The following SYT14 variants were observed in gnomAD, a reference collection of about 807,000 sequenced individuals.
SYT14 encodes the protein synaptotagmin 14, also known as synaptotagmin-14.
In SYT14, 32 loss-of-function variants were observed where a neutral mutation model predicts 74.2. That is an observed-to-expected ratio of 0.43 (90% CI 0.33 to 0.58). The LOEUF (loss-of-function observed/expected upper bound fraction) is 0.58, where lower values mean the gene tolerates loss of function less well. SYT14 is among the 20% of genes least tolerant of loss of function. SYT14 has a pLI of 0.05. For missense variants in SYT14, 791 were observed against 981.8 expected, an observed-to-expected ratio of 0.81 and a Z score of 2.60; for synonymous variants, 298 against 337.7, an observed-to-expected ratio of 0.88 and a Z score of 1.29.
intron 2 of SYT14, among the ~76,000 whole-genome samples, chr1:209,979,538 C>G (rs144674593): frequency 1.3e-5 from 2 of 152,084 alleles, no homozygotes; most frequent in African/African-American, 4.8e-5. Flanking sequence ...CTGCACAGAT[C>G]ATCCCATCAA....
chr1:210,010,122 G>A (rs1269770068), intron 2 of SYT14, among the ~76,000 whole-genome samples: 1 of 152,046 alleles, frequency 6.6e-6, no homozygotes, highest in East Asian at 1.9e-4. Flanking sequence ...CCATATTTCA[G>A]TTTTCTAGTT....
At chr1:210,032,413 C>A (rs1485137750) in intron 5 of SYT14, among the ~76,000 whole-genome samples, 2 of 151,978 alleles carry the variant, frequency 1.3e-5, no homozygotes, top group Non-Finnish European at 2.9e-5. Flanking sequence ...CACCAGGTAT[C>A]TCTTACTCTC....
intron 7 of SYT14, among the ~76,000 whole-genome samples, chr1:210,145,681 C>T (rs2083018017): frequency 6.6e-6 from 1 of 152,038 alleles, no homozygotes; most frequent in South Asian, 2.1e-4. Context: ...CTGCATTTTC[C>T]ACCCCCTCCC....
At chr1:209,953,562 G>A (rs1442800672) in intron 2 of SYT14, among the ~76,000 whole-genome samples, 1 of 152,168 alleles carries the variant, frequency 6.6e-6, no homozygotes, top group Admixed American at 6.5e-5. Context: ...AAGGAAGTTT[G>A]GAGCAGTGTC....
intron 7 of SYT14, among the ~76,000 whole-genome samples, chr1:210,137,958 C>A (rs1473044462): frequency 6.6e-6 from 1 of 152,064 alleles, no homozygotes; most frequent in East Asian, 1.9e-4. Flanking sequence ...GGATTACAGG[C>A]GTGAGCCACT....
At chr1:209,990,015 G>A (rs2079637545) in intron 2 of SYT14, among the ~76,000 whole-genome samples, 1 of 151,960 alleles carries the variant, frequency 6.6e-6, no homozygotes, top group South Asian at 2.1e-4. Flanking sequence ...TATAAAATTA[G>A]CATATAAATC....
intron 6 of SYT14, among the ~76,000 whole-genome samples, chr1:210,099,446 T>C (rs2082021781): frequency 1.3e-5 from 2 of 152,220 alleles, no homozygotes; most frequent in African/African-American, 4.8e-5. Context: ...AGTAAATATT[T>C]GACCGCTAAT....
intron 2 of SYT14, among the ~76,000 whole-genome samples, chr1:209,955,980 G>C (rs2078985445): frequency 6.6e-6 from 1 of 151,968 alleles, no homozygotes; most frequent in Non-Finnish European, 1.5e-5. Flanking sequence ...AATCAATATT[G>C]TTTGCAGTAA....
At chr1:209,975,517 G>A (rs910410445) in intron 2 of SYT14, among the ~76,000 whole-genome samples, 1 of 152,188 alleles carries the variant, frequency 6.6e-6, no homozygotes, top group East Asian at 1.9e-4. Flanking sequence ...TTATTGATTT[G>A]TGTATGTTGA....
chr1:210,001,242 C>T (rs2079894729), intron 2 of SYT14, among the ~76,000 whole-genome samples: 1 of 144,862 alleles, frequency 6.9e-6, no homozygotes, highest in African/African-American at 2.5e-5. Flanking sequence ...CCTTCCAGCT[C>T]AAATTTGCTA....
chr1:209,982,677 T>C (rs12085177), intron 2 of SYT14, among the ~76,000 whole-genome samples: 7,623 of 152,326 alleles, frequency 0.05, 1,033 homozygotes, highest in East Asian at 0.41. Context: ...CATTTTTGTG[T>C]GGATGTAAGT....
intron 5 of SYT14, among the ~76,000 whole-genome samples, chr1:210,080,886 G>A (rs2081603941): frequency 6.6e-6 from 1 of 152,146 alleles, no homozygotes; most frequent in Non-Finnish European, 1.5e-5. Flanking sequence ...GGTGACAAAT[G>A]CAACTGGGAA....
Position 210,108,133 on chromosome 1 carries a change from C to T in SYT14, c.2034+7672C>T, listed in dbSNP as rs193078160. On this transcript the variant is annotated intron_variant, in intron 7 of 9. Coordinates refer to ENST00000637265, the Ensembl canonical transcript of SYT14. ...AATATTTTCTTAGATGTCTGTATTT[C>T]ATTAAATCTGGCTCTTGCTTACACT... Among the ~76,000 whole-genome samples the T allele has an allele frequency of 2.9e-3, 440 of 152,274 alleles. 2 individuals are homozygous for T. The highest frequency in any genetic ancestry group is 4.6e-3 in the Non-Finnish European group (313 of 68,018).
chr1:210,158,871 A>G (rs891827371), intron 8 of SYT14, among the ~76,000 whole-genome samples: 1 of 152,172 alleles, frequency 6.6e-6, no homozygotes, highest in Non-Finnish European at 1.5e-5. Flanking sequence ...CCCCTCATAT[A>G]TACCTAGGTT....
intron 5 of SYT14, among the ~76,000 whole-genome samples, chr1:210,052,527 G>A (rs1314228180): frequency 6.6e-6 from 1 of 151,776 alleles, no homozygotes. Flanking sequence ...GCTGGGTATG[G>A]TGGCGGGCGC....
chr1:210,139,280 T>C (rs925399968), intron 7 of SYT14, among the ~76,000 whole-genome samples: 1 of 146,340 alleles, frequency 6.8e-6, no homozygotes, highest in African/African-American at 2.5e-5. Flanking sequence ...TTTTTTTTTT[T>C]TTTTTTTGAT....
chr1:209,948,022 C>G (rs1408730125), intron 1 of SYT14, among the ~76,000 whole-genome samples: 1 of 152,124 alleles, frequency 6.6e-6, no homozygotes, highest in Non-Finnish European at 1.5e-5. Context: ...TTTTAAGATA[C>G]AATGATATTG....
chr1:210,066,445 T>A (rs1334568812), intron 5 of SYT14, among the ~76,000 whole-genome samples: 9 of 152,208 alleles, frequency 5.9e-5, no homozygotes, highest in African/African-American at 1.7e-4. Flanking sequence ...GCTATCTCAT[T>A]GTGGTTTTGA....
chr1:209,992,034 A>C (rs1345911080), intron 2 of SYT14, among the ~76,000 whole-genome samples: 2 of 152,222 alleles, frequency 1.3e-5, no homozygotes, highest in East Asian at 3.8e-4. Flanking sequence ...TCATTATATC[A>C]AAAAGATACC....
Sources: allele counts gnomAD v4.1 joint callset (sites outside exome capture counted in the v4.1 genomes callset), GRCh38; gene constraint gnomAD v4.1.1; transcripts MANE v1.5; gene names NCBI Gene and HGNC (gene_info 2026-07-23, HGNC 2026-07-21).